DNAH11: variants seen among roughly 807,000 people sequenced by gnomAD.
The protein encoded by DNAH11 is axonemal beta dynein heavy chain 11.
In DNAH11, 442 loss-of-function variants were observed where a neutral mutation model predicts 526.0. The observed-to-expected ratio is 0.84, with a 90% CI of 0.78 to 0.91. The LOEUF is 0.91. Ranked by LOEUF, DNAH11 falls within the 40% of genes least tolerant of loss-of-function variation. The pLI, the probability that DNAH11 is intolerant of heterozygous loss-of-function variation, is 0.00. For synonymous variants in DNAH11, 2,461 were observed against 1,935.9 expected (o/e 1.27, Z -7.12); for missense variants, 6,989 against 5,448.7 (o/e 1.28, Z -8.90).
intron 39 of DNAH11, 23 bp downstream of exon 39, chr7:21,705,560 T>G: frequency 6.2e-7 from 1 of 1,607,658 alleles, no homozygotes; most frequent in African/African-American, 1.3e-5. Flanking sequence ...GCCTAATAGC[T>G]TACAGCTATG....
At chr7:21,863,669 A>G (rs1783161471) in intron 69 of DNAH11, among the ~76,000 whole-genome samples, 1 of 152,238 alleles carries the variant, frequency 6.6e-6, no homozygotes, top group South Asian at 2.1e-4. Flanking sequence ...ATAATACATG[A>G]CATGAACATC....
At chr7:21,679,233 A>T (rs1388176431) in intron 30 of DNAH11, among the ~76,000 whole-genome samples, 1 of 152,200 alleles carries the variant, frequency 6.6e-6, no homozygotes, top group Non-Finnish European at 1.5e-5. Context: ...TTACCAGAGG[A>T]TAGGGATGGG....
intron 44 of DNAH11, among the ~76,000 whole-genome samples, chr7:21,722,559 A>T (rs1373290242): frequency 6.6e-6 from 1 of 152,100 alleles, no homozygotes; most frequent in African/African-American, 2.4e-5. Flanking sequence ...GGTTACCATA[A>T]CTCATGCCTA....
At chr7:21,764,723 G>A (rs898946185) in intron 54 of DNAH11, among the ~76,000 whole-genome samples, 3 of 152,108 alleles carry the variant, frequency 2.0e-5, no homozygotes, top group African/African-American at 4.8e-5. Context: ...TCAGGACTCC[G>A]ACAGAATCCC....
intron 54 of DNAH11, among the ~76,000 whole-genome samples, chr7:21,755,173 A>G (rs1217167136): frequency 6.6e-6 from 1 of 152,180 alleles, no homozygotes; most frequent in African/African-American, 2.4e-5. Context: ...TTGGCATGCA[A>G]AATGTGACCT....
At position 21,744,580 on chromosome 7, in the gene DNAH11, C is replaced by G; in HGVS notation, c.8297C>G (p.Thr2766Ser). Residue 2766 changes from threonine (T) to serine (S), a missense_variant, in exon 50 of 82, where the codon ACT becomes AGT. By Grantham distance (58) the Thr-to-Ser change is moderately conservative (BLOSUM62 1). Coordinates refer to ENST00000409508, the MANE Select transcript of DNAH11 (RefSeq NM_001277115.2). Reference sequence around the variant, plus strand: ...TTGTTTCAGAGAAGAATGCTGGAAACTGCTTATAAATATTTTGAAGTAAGC... The same window carrying G: ...TTGTTTCAGAGAAGAATGCTGGAAAGTGCTTATAAATATTTTGAAGTAAGC... ...CDLFQRRMLETAYKYFEGIDS... is the reference protein window; with the variant it reads ...CDLFQRRMLESAYKYFEGIDS... The G allele has an allele frequency of 1.9e-6, 3 of 1,613,342 alleles. No homozygotes were observed. The highest frequency in any genetic ancestry group is 2.5e-6 in the Non-Finnish European group (3 of 1,179,768).
At position 21,745,051 on chromosome 7, in the gene DNAH11, C is replaced by T. The variant is rs757991938; in HGVS notation, c.8498C>T (p.Ala2833Val). The T allele has an allele frequency of 3.7e-6, 6 of 1,606,576 alleles. No homozygotes were observed. The highest frequency in any genetic ancestry group is 3.4e-5 in the Admixed American group (2 of 58,942). ...AAMHLVLFED[A>V]MQHVCRISRI... ...ATGCACCTAGTTTTGTTTGAAGATG[C>T]CATGCAACATGTGTGAGTTAACTAG... The change falls in exon 51 of 82, where the codon GCC becomes GTC. Residue 2833 changes from alanine (A) to valine (V), a missense_variant. By Grantham distance (64) the Ala-to-Val change is moderately conservative. Coordinates refer to ENST00000409508, the MANE Select transcript of DNAH11 (RefSeq NM_001277115.2).
In DNAH11 at chr7:21,900,001, G is replaced by T. The variant is rs368249392; in HGVS notation, c.13184G>T (p.Arg4395Leu). 22 of 1,613,656 alleles carry T rather than the reference G, an allele frequency of 1.4e-5. No homozygotes were observed. Among genetic ancestry groups the T allele is most frequent in the Non-Finnish European group, 1.9e-5 (22 of 1,179,816 alleles). Residue 4395 changes from arginine to leucine, a missense_variant, in exon 81 of 82, where the codon CGA (arginine) becomes CTA (leucine). Physicochemically the swap from Arg to Leu is moderately radical, Grantham distance 102. Transcript: ENST00000409508. ...FLTAIMQTMA[R>L]KNEWPLDKTR... is the part of the protein sequence containing the mutation. Reference sequence around the variant, plus strand: ...AAAGCAATCATGCAGACGATGGCTCGAAAAAATGAGTGGCCCCTGGATAAA... The same window carrying T: ...AAAGCAATCATGCAGACGATGGCTCTAAAAAATGAGTGGCCCCTGGATAAA...
chr7:21,772,656 G>A (rs942708106), intron 55 of DNAH11, among the ~76,000 whole-genome samples: 4 of 152,060 alleles, frequency 2.6e-5, no homozygotes, highest in Non-Finnish European at 4.4e-5. Flanking sequence ...TTTATATCAC[G>A]TTATTTTTAA....
At chr7:21,775,252 T>C (rs6974941) in intron 56 of DNAH11, among the ~76,000 whole-genome samples, 50,143 of 151,914 alleles carry the variant, frequency 0.33, 9,321 homozygotes, top group African/African-American at 0.47. Flanking sequence ...TCAAGTGATA[T>C]TAAGAATAGT....
chr7:21,751,428 C>G (rs192878680), intron 54 of DNAH11, among the ~76,000 whole-genome samples: 61 of 152,194 alleles, frequency 4.0e-4, no homozygotes, highest in African/African-American at 1.4e-3. Flanking sequence ...GATAATATAA[C>G]CAGATAATAG....
At chr7:21,599,674 G>C (rs1562690565) in intron 14 of DNAH11, 113 bp from the exon 15 acceptor site, 1 of 767,254 alleles carries the variant, frequency 1.3e-6, no homozygotes. Context: ...GAATGTTCCT[G>C]TCTTGTGCAC....
Position 21,687,081 on chromosome 7 carries a change from G to T in DNAH11, c.5622-18G>T. The T allele has an allele frequency of 6.3e-7, 1 of 1,598,660 alleles. No individual in the cohort carries two copies. The highest frequency in any genetic ancestry group is 1.1e-5 in the South Asian group (1 of 87,186). On this transcript the variant is annotated intron_variant, in intron 32 of 81. Coordinates refer to ENST00000409508, the MANE Select transcript of DNAH11 (RefSeq NM_001277115.2). ...TCTCATATTAGACTGTGATGTTTGT[G>T]TTTTCTATTGCTTAAAGGTGTTATA...
At chr7:21,665,281 C>A (rs1226992726) in intron 30 of DNAH11, among the ~76,000 whole-genome samples, 2 of 152,082 alleles carry the variant, frequency 1.3e-5, no homozygotes, top group Non-Finnish European at 2.9e-5. Context: ...TAATATATTG[C>A]AAGACCACCT....
chr7:21,858,384 A>C (rs1432492722), intron 68 of DNAH11, among the ~76,000 whole-genome samples: 2 of 152,232 alleles, frequency 1.3e-5, no homozygotes, highest in Non-Finnish European at 2.9e-5. Flanking sequence ...TTTACCTAAG[A>C]TAAATAAAAA....
chr7:21,715,325 A>C (rs1466969843), intron 42 of DNAH11, among the ~76,000 whole-genome samples: 2 of 152,232 alleles, frequency 1.3e-5, no homozygotes, highest in Non-Finnish European at 2.9e-5. Flanking sequence ...TCACTTGATA[A>C]ACCTGGAACA....
Position 21,899,365 on chromosome 7 carries a change from AACTCGAT to A in DNAH11, c.13083_13089del (p.Asp4362GlyfsTer23). ...AATGACCTCCTCCTGCGATGCCGAG[AACTCGAT>A]ACTTGGACACAAGACCTTACCCTTC... On this transcript the variant is annotated frameshift_variant, in exon 80 of 82. Transcript: ENST00000409508. LOFTEE classifies it high-confidence loss of function. The A allele has an allele frequency of 6.2e-7, 1 of 1,613,976 alleles. No homozygotes were observed. The highest frequency in any genetic ancestry group is 1.3e-5 in the African/African-American group (1 of 75,040).
At chr7:21,741,216 CT>C (rs35252747) in intron 48 of DNAH11, among the ~76,000 whole-genome samples, 1 of 151,998 alleles carries the variant, frequency 6.6e-6, no homozygotes, top group South Asian at 2.1e-4. Context: ...TCCAAATAGG[CT>C]TTTTTTTCCA....
Position 21,873,482 on chromosome 7 carries a change from C to A in DNAH11, c.12176C>A (p.Ala4059Asp), listed in dbSNP as rs1198874708. The A allele has an allele frequency of 6.2e-7, 1 of 1,613,954 alleles. No homozygotes were observed. Among genetic ancestry groups the A allele is most frequent in the Non-Finnish European group, 8.5e-7 (1 of 1,179,884 alleles). ...PTGMLANLHA[A>D]LYNFDQDTLE... ...GGGATGCTGGCCAATTTGCATGCCG[C>A]CCTGTACAACTTTGATCAGGTAAGA... The change falls in exon 74 of 82, where the codon GCC (alanine) becomes GAC (aspartate). Residue 4059 changes from alanine (A) to aspartate (D), a missense_variant. Coordinates refer to ENST00000409508, the MANE Select transcript of DNAH11 (RefSeq NM_001277115.2).
Sources: gnomAD v4.1 joint callset for allele counts (sites outside exome capture counted in the v4.1 genomes callset) on GRCh38, gnomAD v4.1.1 for gene constraint, MANE v1.5 for transcripts, NCBI Gene and HGNC (gene_info 2026-07-23, HGNC 2026-07-21) for gene names.